Variants in DIAPH2 observed in about 807,000 individuals in gnomAD.
DIAPH2 encodes protein diaphanous homolog 2.
In DIAPH2, 35 loss-of-function variants were observed where a neutral mutation model predicts 92.7. That is an observed-to-expected ratio of 0.38 (90% CI 0.29 to 0.50). The LOEUF (loss-of-function observed/expected upper bound fraction) is 0.50. Ranked by LOEUF, DIAPH2 falls within the 20% of genes least tolerant of loss-of-function variation. The pLI is 0.94. For synonymous variants in DIAPH2, 301 were observed against 280.4 expected, an observed-to-expected ratio of 1.07 and a Z score of -0.73; for missense variants, 701 against 819.5, an observed-to-expected ratio of 0.86 and a Z score of 1.77.
intron 19 of DIAPH2, among the ~76,000 whole-genome samples, chrX:97,081,248 G>T (rs908636360): frequency 9.0e-6 from 1 of 111,079 alleles, no homozygotes; most frequent in Non-Finnish European, 1.9e-5. Flanking sequence ...CTCTTAAATA[G>T]GTGATTAAAA....
intron 26 of DIAPH2, among the ~76,000 whole-genome samples, chrX:97,532,232 G>A (rs190047381): frequency 6.2e-5 from 7 of 112,836 alleles, no homozygotes; most frequent in African/African-American, 2.2e-4. Flanking sequence ...TATTGGCATA[G>A]GTAAACAACT....
intron 1 of DIAPH2, among the ~76,000 whole-genome samples, chrX:96,726,413 A>C (rs1399342813): frequency 8.9e-6 from 1 of 112,233 alleles, no homozygotes; most frequent in Admixed American, 9.4e-5. Flanking sequence ...GGTAATTAGG[A>C]TTTGATACGT....
chrX:97,255,039 T>A (rs1005125523), intron 23 of DIAPH2, among the ~76,000 whole-genome samples: 3 of 111,704 alleles, frequency 2.7e-5, no homozygotes, highest in African/African-American at 9.8e-5. Flanking sequence ...ATTGAGGCTA[T>A]AGAGGTTCAA....
At chrX:97,090,227 C>T (rs1476006096) in intron 19 of DIAPH2, among the ~76,000 whole-genome samples, 3 of 109,976 alleles carry the variant, frequency 2.7e-5, no homozygotes, top group South Asian at 3.9e-4. Flanking sequence ...TGACTAGCTC[C>T]CCTCAGTTCA....
chrX:96,747,214 T>G (rs779538077), intron 3 of DIAPH2, among the ~76,000 whole-genome samples: 2 of 111,816 alleles, frequency 1.8e-5, no homozygotes, highest in South Asian at 7.5e-4. Context: ...CCATAGAAAT[T>G]TCTTGGGAGT....
chrX:96,806,159 C>T (rs1337134182), intron 4 of DIAPH2, among the ~76,000 whole-genome samples: 1 of 111,543 alleles, frequency 9.0e-6, no homozygotes, highest in Admixed American at 9.6e-5. Context: ...GGTGATTATT[C>T]TATGCAGAAA....
chrX:96,935,578 G>A (rs903660713), intron 10 of DIAPH2, among the ~76,000 whole-genome samples: 1 of 110,922 alleles, frequency 9.0e-6, no homozygotes, highest in African/African-American at 3.3e-5. Context: ...GACTTTGATA[G>A]GTCTGGAGCA....
intron 22 of DIAPH2, among the ~76,000 whole-genome samples, chrX:97,172,871 C>T (rs1281506989): frequency 1.8e-5 from 2 of 111,828 alleles, no homozygotes; most frequent in East Asian, 2.8e-4. Context: ...AATTACCTTC[C>T]GTTCACTATG....
At chrX:96,984,840 T>A (rs2066020935) in intron 17 of DIAPH2, among the ~76,000 whole-genome samples, 1 of 111,626 alleles carries the variant, frequency 9.0e-6, no homozygotes, top group Non-Finnish European at 1.9e-5. Flanking sequence ...TTGATTCATA[T>A]GGTATTTGTT....
intron 3 of DIAPH2, among the ~76,000 whole-genome samples, chrX:96,757,537 T>C (rs757923042): frequency 1.8e-5 from 2 of 112,507 alleles, no homozygotes; most frequent in South Asian, 3.7e-4. Flanking sequence ...TATCACAAAA[T>C]AAAGGTAGAT....
chrX:97,225,646 C>A (rs1455557335), intron 22 of DIAPH2, among the ~76,000 whole-genome samples: 1 of 111,561 alleles, frequency 9.0e-6, no homozygotes, highest in African/African-American at 3.3e-5. Context: ...TCCATCATTT[C>A]TCTCCTTTCT....
At chrX:96,877,104 A>G (rs998765261) in intron 4 of DIAPH2, among the ~76,000 whole-genome samples, 16 of 111,466 alleles carry the variant, frequency 1.4e-4, no homozygotes, top group African/African-American at 4.9e-4. Context: ...TTCTCTGTTC[A>G]AACCAAATAT....
chrX:96,958,265 T>G, intron 16 of DIAPH2, 117 bp downstream of exon 16: 3 of 805,452 alleles, frequency 3.7e-6, no homozygotes, highest in Non-Finnish European at 5.0e-6. Context: ...CCTTTGTGGG[T>G]TCATCATTTT....
chrX:96,727,335 T>C (rs2064026027), intron 1 of DIAPH2, among the ~76,000 whole-genome samples: 1 of 112,379 alleles, frequency 8.9e-6, no homozygotes, highest in South Asian at 3.7e-4. Flanking sequence ...ATGTCTGTCT[T>C]CAAATCAGAA....
intron 25 of DIAPH2, among the ~76,000 whole-genome samples, chrX:97,417,989 C>G (rs1049470357): frequency 8.9e-6 from 1 of 111,844 alleles, no homozygotes; most frequent in Non-Finnish European, 1.9e-5. Context: ...TAACTGATCA[C>G]TGAGATGGTG....
Position 97,358,482 on chromosome X carries a change from C to A in DIAPH2, c.3009+10202C>A, listed in dbSNP as rs140796225. On this transcript the variant is annotated intron_variant, in intron 24 of 26. Transcript: ENST00000324765. The stretch of plus-strand genomic sequence containing the variant: ...TTGAGAAACCCTGTTTCAGGATTAC[C>A]TGCAAAAGATTTTTTAAAAAAAATT... Among the ~76,000 whole-genome samples, 193 of 110,978 alleles carry A rather than the reference C, an allele frequency of 1.7e-3. 1 individual carries two copies. Among genetic ancestry groups the A allele is most frequent in the African/African-American group, 6.1e-3 (187 of 30,561 alleles).
At chrX:96,942,324 T>C (rs1431433281) in intron 13 of DIAPH2, among the ~76,000 whole-genome samples, 188 bp downstream of exon 13, 5 of 111,093 alleles carry the variant, frequency 4.5e-5, no homozygotes, top group African/African-American at 1.6e-4. Flanking sequence ...ATGAGAGTTC[T>C]GCCTGTGTGA....
chrX:97,246,645 G>T (rs1014201012), intron 22 of DIAPH2, among the ~76,000 whole-genome samples: 1 of 112,367 alleles, frequency 8.9e-6, no homozygotes, highest in Non-Finnish European at 1.9e-5. Flanking sequence ...TTGCCAAGGG[G>T]TTGATTTTGG....
chrX:97,543,672 T>C (rs1466640939), intron 26 of DIAPH2, among the ~76,000 whole-genome samples: 3 of 109,453 alleles, frequency 2.7e-5, no homozygotes, highest in South Asian at 4.1e-4. Flanking sequence ...ACCCGGCTAA[T>C]TTTTTATATT....
Sources: gnomAD v4.1 joint callset for allele counts (sites outside exome capture counted in the v4.1 genomes callset) on GRCh38, gnomAD v4.1.1 for gene constraint, MANE v1.5 for transcripts, NCBI Gene and HGNC (gene_info 2026-07-23, HGNC 2026-07-21) for gene names.